Variants in BCAS3 observed in about 807,000 individuals in gnomAD.
The protein encoded by BCAS3 is BCAS3 microtubule associated cell migration factor.
A neutral mutation model predicts 116.1 loss-of-function variants in BCAS3; 53 were observed. The observed-to-expected ratio is 0.46, with a 90% CI of 0.37 to 0.57. BCAS3 has a LOEUF of 0.57. Among genes scored for constraint, BCAS3 ranks in the 20% least tolerant of loss-of-function variants. The pLI is 0.00. For synonymous variants in BCAS3, 391 were observed against 408.2 expected (o/e 0.96, Z 0.51); for missense variants, 917 against 1,165.4 (o/e 0.79, Z 3.10).
intron 9 of BCAS3, among the ~76,000 whole-genome samples, chr17:60,880,800 A>T (rs1252960601): frequency 6.6e-6 from 1 of 152,010 alleles, no homozygotes; most frequent in Non-Finnish European, 1.5e-5. Context: ...TAATGTGCTT[A>T]TTTGCCATTT....
At chr17:61,025,492 A>G (rs560614260) in intron 16 of BCAS3, among the ~76,000 whole-genome samples, 1 of 152,122 alleles carries the variant, frequency 6.6e-6, no homozygotes, top group East Asian at 1.9e-4. Context: ...AGTAACATTT[A>G]TTACAGATAA....
intron 22 of BCAS3, among the ~76,000 whole-genome samples, chr17:61,246,819 GTGTGTGTGTGTA>G (rs1050515797): frequency 1.3e-5 from 2 of 151,896 alleles, no homozygotes; most frequent in African/African-American, 4.8e-5. Flanking sequence ...GTGTGTGTGT[GTGTGTGTGTGTA>G]TGTGTGTGAT....
Position 61,327,682 on chromosome 17 carries a change from G to A in BCAS3, c.2426-40645G>A, listed in dbSNP as rs548496635. On this transcript the variant is annotated intron_variant, in intron 22 of 23. Transcript: ENST00000407086. The surrounding 1 kb of genome is among the most constrained non-coding windows in gnomAD (Gnocchi z 5.9). ...GTACCACCAAACCCCACTAATTTTT[G>A]TATTTTTGGTAGAGATGGGGTTTCA... is the stretch of plus-strand genomic sequence containing the variant. Among the ~76,000 whole-genome samples the A allele has an allele frequency of 3.0e-4, 46 of 152,152 alleles. No individual in the cohort carries two copies. The highest frequency in any genetic ancestry group is 1.1e-3 in the African/African-American group (45 of 41,516).
rs2060157412 is a variant in BCAS3, at chr17:61,391,965, T to C, written c.2594-12T>C. ...ACTCTAACCAGGCCTGGCCCTCTCC[T>C]GTGTCTTGCAGAACTTCAGCGAGAG... On this transcript the variant is annotated splice_polypyrimidine_tract_variant and intron_variant, in intron 23 of 23. Transcript: ENST00000407086. This position sits in a 1 kb window ranked among gnomAD's most constrained non-coding sequence, Gnocchi z 7.7. 1 of 1,612,842 alleles carries C rather than the reference T, an allele frequency of 6.2e-7. No homozygotes were observed. Among genetic ancestry groups the C allele is most frequent in the Non-Finnish European group, 8.5e-7 (1 of 1,179,658 alleles).
At chr17:61,218,425 G>A (rs2081928736) in intron 22 of BCAS3, among the ~76,000 whole-genome samples, 1 of 152,208 alleles carries the variant, frequency 6.6e-6, no homozygotes, top group African/African-American at 2.4e-5. Context: ...CGTACATGCT[G>A]TTGGCATCAG....
chr17:61,324,138 A>C lies in BCAS3; in HGVS notation c.2426-44189A>C, dbSNP rs1372950646. Among the ~76,000 whole-genome samples, 1 of 152,164 alleles carries C rather than the reference A, an allele frequency of 6.6e-6. No homozygotes were observed. The highest frequency in any genetic ancestry group is 1.5e-5 in the Non-Finnish European group (1 of 68,030). On this transcript the variant is annotated intron_variant, in intron 22 of 23. Coordinates refer to ENST00000407086, the MANE Select transcript of BCAS3 (RefSeq NM_017679.5). The surrounding 1 kb of genome is among the most constrained non-coding windows in gnomAD (Gnocchi z 4.6). ...ACTGGGACTCTTCCCATCAGGCTGC[A>C]AACTCCTCCAGAGGCAGGGACCCCA...
intron 5 of BCAS3, among the ~76,000 whole-genome samples, chr17:60,711,206 T>C (rs542984825): frequency 3.9e-5 from 6 of 152,120 alleles, no homozygotes; most frequent in African/African-American, 1.4e-4. Flanking sequence ...ATCGTGCTGG[T>C]ATGTCATGAA....
chr17:61,024,131 C>T (rs2066062354), intron 16 of BCAS3, among the ~76,000 whole-genome samples: 1 of 152,206 alleles, frequency 6.6e-6, no homozygotes, highest in East Asian at 1.9e-4. Flanking sequence ...TGGATTTGTA[C>T]TTTGTGACTT....
At chr17:61,074,113 G>GAAAAA (rs917229045) in intron 19 of BCAS3, among the ~76,000 whole-genome samples, 1 of 61,222 alleles carries the variant, frequency 1.6e-5, no homozygotes, top group Non-Finnish European at 3.8e-5. Flanking sequence ...TATCTCTTAA[G>GAAAAA]AAAAAAAAAA....
chr17:60,859,249 A>G (rs1383174407), intron 7 of BCAS3, among the ~76,000 whole-genome samples: 2 of 151,970 alleles, frequency 1.3e-5, no homozygotes, highest in African/African-American at 4.8e-5. Context: ...ACATCAGTAA[A>G]TTGTATGTCA....
chr17:61,097,019 A>G lies in BCAS3; in HGVS notation c.2425+12455A>G, dbSNP rs113722619. ...AAGGGTTGAGAATTTTCCAAAGTTA[A>G]TGAAAGACATAAGTCAAAGTTTTAA... On this transcript the variant is annotated intron_variant, in intron 22 of 23. Coordinates refer to ENST00000407086, the MANE Select transcript of BCAS3 (RefSeq NM_017679.5). The surrounding 1 kb of genome is among the most constrained non-coding windows in gnomAD (Gnocchi z 4.0). 0.017 allele frequency among the ~76,000 whole-genome samples: 2,590 copies of G among 152,348 alleles called. 36 individuals are homozygous for G. Among genetic ancestry groups the G allele is most frequent in the South Asian group, 0.045 (215 of 4,820 alleles).
chr17:60,849,304 G>GTC (rs2052839816), intron 7 of BCAS3, among the ~76,000 whole-genome samples: 1 of 149,078 alleles, frequency 6.7e-6, no homozygotes, highest in African/African-American at 2.5e-5. Context: ...TTAATCTGCT[G>GTC]TCTTTTAAAT....
chr17:60,745,964 G>T (rs1216218576), intron 5 of BCAS3, among the ~76,000 whole-genome samples: 3 of 152,048 alleles, frequency 2.0e-5, no homozygotes, highest in African/African-American at 7.2e-5. Flanking sequence ...AGAGAGCTCT[G>T]TAGATTTATA....
chr17:60,755,144 A>G (rs1028127267), intron 6 of BCAS3, among the ~76,000 whole-genome samples: 1 of 152,148 alleles, frequency 6.6e-6, no homozygotes, highest in African/African-American at 2.4e-5. Flanking sequence ...TTTCAGTTTG[A>G]TGATTTCATG....
At chr17:60,939,834 A>C (rs562481553) in intron 13 of BCAS3, among the ~76,000 whole-genome samples, 26 of 152,356 alleles carry the variant, frequency 1.7e-4, no homozygotes, top group African/African-American at 6.3e-4. Context: ...TTAAAGTTTT[A>C]AAAAACATTC....
In BCAS3 at chr17:60,701,805, C is replaced by CAAA. The variant is rs71370178; in HGVS notation, c.215-7400_215-7398dup. 8.5e-3 allele frequency among the ~76,000 whole-genome samples: 658 copies of CAAA among 77,024 alleles called. 8 individuals carry two copies. Among genetic ancestry groups the CAAA allele is most frequent in the African/African-American group, 0.032 (631 of 19,540 alleles). 50.5% of individuals were successfully genotyped at this position (77,024 alleles called of 152,430 possible). A position where few individuals can be genotyped will look rare whatever the true frequency, so the allele number is the denominator to read the frequency against. ...TGACACTCCATCTCTACTAAAAATA[C>CAAA]AAAAAAAAAAAAAAAAGAAAAAGCC... On this transcript the variant is annotated intron_variant, in intron 4 of 23. Coordinates refer to ENST00000407086, the MANE Select transcript of BCAS3 (RefSeq NM_017679.5).
chr17:60,723,528 C>T (rs1289703352), intron 5 of BCAS3, among the ~76,000 whole-genome samples: 1 of 151,830 alleles, frequency 6.6e-6, no homozygotes, highest in African/African-American at 2.4e-5. Flanking sequence ...TTGTGCCTTG[C>T]CTGTTTTCAT....
rs1284407776 is a variant in BCAS3 at position 61,282,374 on chromosome 17, G to A, written c.2426-85953G>A. 6.6e-6 allele frequency among the ~76,000 whole-genome samples: 1 copy of A among 152,216 alleles called. No homozygotes were observed. The highest frequency in any genetic ancestry group is 2.4e-5 in the African/African-American group (1 of 41,464). On this transcript the variant is annotated intron_variant, in intron 22 of 23. Transcript: ENST00000407086. This position sits in a 1 kb window ranked among gnomAD's most constrained non-coding sequence, Gnocchi z 5.9. ...AGGGGCAATTGGGCCTCTGGTGAAA[G>A]GTTCTCCCCAAGTGTCCAAACTAGT... is the stretch of plus-strand genomic sequence containing the variant.
At chr17:61,014,891 CATG>C (rs971141164) in intron 15 of BCAS3, among the ~76,000 whole-genome samples, 1 of 151,890 alleles carries the variant, frequency 6.6e-6, no homozygotes, top group African/African-American at 2.4e-5. Flanking sequence ...TTTCAAATTG[CATG>C]AAAAAGAATG....
Sources: gnomAD v4.1 joint callset for allele counts (sites outside exome capture counted in the v4.1 genomes callset) on GRCh38, gnomAD v4.1.1 for gene constraint, Gnocchi (gnomAD v3.1) non-coding constraint, MANE v1.5 for transcripts, NCBI Gene and HGNC (gene_info 2026-07-23, HGNC 2026-07-21) for gene names.